RP1: variants seen among roughly 807,000 people sequenced by gnomAD.
RP1 encodes RP1 axonemal microtubule associated.
RP1 carries 16 observed loss-of-function variants against 14.8 expected under a neutral mutation model. The observed-to-expected ratio is 1.08, with a 90% CI of 0.73 to 1.65. RP1 has a LOEUF of 1.65. Among genes scored for constraint, RP1 ranks in the 40% most tolerant of loss-of-function variants. The pLI, the probability that RP1 is intolerant of heterozygous loss-of-function variation, is 0.00. For synonymous variants in RP1, 876 were observed against 883.6 expected, an observed-to-expected ratio of 0.99 and a Z score of 0.15; for missense variants, 2,631 against 2,535.0, an observed-to-expected ratio of 1.04 and a Z score of -0.81.
intron 1 of RP1, among the ~76,000 whole-genome samples, chr8:54,588,410 A>C (rs943591173): frequency 1.3e-5 from 2 of 152,210 alleles, no homozygotes; most frequent in African/African-American, 4.8e-5. Context: ...AGAGGGACCC[A>C]AGGTCTGACT....
At chr8:54,781,979 C>G (rs577986964) in intron 23 of RP1, among the ~76,000 whole-genome samples, 5 of 152,230 alleles carry the variant, frequency 3.3e-5, no homozygotes, top group African/African-American at 1.2e-4. Flanking sequence ...GTCCCTCCCC[C>G]CATGATAGCA....
At chr8:54,736,889 G>A (rs920306000) in intron 18 of RP1, among the ~76,000 whole-genome samples, 1 of 152,082 alleles carries the variant, frequency 6.6e-6, no homozygotes, top group African/African-American at 2.4e-5. Context: ...AGGGGTTAAT[G>A]GGCACTCATA....
intron 19 of RP1, among the ~76,000 whole-genome samples, chr8:54,745,094 G>T (rs908945325): frequency 6.6e-6 from 1 of 152,164 alleles, no homozygotes; most frequent in Non-Finnish European, 1.5e-5. Flanking sequence ...TCTGTTGGTC[G>T]TTTGAGCATG....
intron 26 of RP1, among the ~76,000 whole-genome samples, chr8:54,853,772 A>AAGAAAGAGAC (rs1282066874): frequency 1.6e-5 from 1 of 63,968 alleles, no homozygotes. Flanking sequence ...AAGAAAGAGA[A>AAGAAAGAGAC]AGGAAGGAAG....
chr8:54,621,547 C>T lies in RP1; in HGVS notation c.581C>T (p.Pro194Leu), dbSNP rs780935796. Residue 194 changes from proline to leucine, a missense_variant, in exon 2 of 4, where the codon CCT becomes CTT. By Grantham distance (98) the Pro-to-Leu change is moderately conservative. Transcript: ENST00000220676. ...CACCTGACAGAGGTCATGCAGCGCC[C>T]TGTGGTCAAGCTGTACGCTACGGAC... ...LQHLTEVMQR[P>L]VVKLYATDGR... 1.2e-6 allele frequency: 2 copies of T among 1,614,186 alleles called. No homozygotes were observed. Among genetic ancestry groups the T allele is most frequent in the South Asian group, 1.1e-5 (1 of 91,082 alleles).
At chr8:54,600,060 C>T (rs572093706) in intron 1 of RP1, among the ~76,000 whole-genome samples, 1 of 152,238 alleles carries the variant, frequency 6.6e-6, no homozygotes, top group Non-Finnish European at 1.5e-5. Flanking sequence ...TTGGCTGTGT[C>T]TTCATCCAAA....
chr8:54,709,538 A>G lies in RP1; in HGVS notation c.2211+2883A>G, dbSNP rs377170417. ...AATTTGAAAAAAGCCAGAGGCATTT[A>G]TTCTGTTTGCTTTGGGGAAGAGATA... On this transcript the variant is annotated intron_variant, in intron 15 of 22. Coordinates refer to the RP1 transcript ENST00000636932. Among the ~76,000 whole-genome samples, 36 of 152,354 alleles carry G rather than the reference A, an allele frequency of 2.4e-4. No homozygotes were observed. In the South Asian group the frequency reaches 7.5e-3, roughly 32 times the overall value.
intron 15 of RP1, among the ~76,000 whole-genome samples, chr8:54,708,596 T>C (rs1049563074): frequency 2.0e-5 from 3 of 152,174 alleles, no homozygotes; most frequent in African/African-American, 7.2e-5. Flanking sequence ...TCTGACCTCG[T>C]GATCCACCTG....
chr8:54,765,232 C>T (rs1181783543), intron 22 of RP1, among the ~76,000 whole-genome samples: 2 of 152,238 alleles, frequency 1.3e-5, no homozygotes, highest in African/African-American at 4.8e-5. Flanking sequence ...AGCGGTTATT[C>T]CATGAAAATC....
intron 14 of RP1, among the ~76,000 whole-genome samples, chr8:54,705,568 A>G (rs1375430805): frequency 1.3e-5 from 2 of 152,140 alleles, no homozygotes; most frequent in Non-Finnish European, 2.9e-5. Flanking sequence ...CATTATTACT[A>G]TCTGGCTGAC....
rs1293675303 is a variant in RP1, at chr8:54,788,769, G to C, written c.3615+5059G>C. Reference sequence around the variant, plus strand: ...ATTGCAGAAATAAAACCCCAGTTCAGATGATATCAGCAAGATAATAGAATA... The same window carrying C: ...ATTGCAGAAATAAAACCCCAGTTCACATGATATCAGCAAGATAATAGAATA... On this transcript the variant is annotated intron_variant, in intron 24 of 28. Transcript: ENST00000637698. 2.0e-5 allele frequency among the ~76,000 whole-genome samples: 3 copies of C among 152,186 alleles called. No individual in the cohort carries two copies. The East Asian group carries it at 5.8e-4, about 29-fold the overall frequency.
intron 26 of RP1, chr8:54,856,882 AC>A: frequency 3.0e-6 from 1 of 332,954 alleles, no homozygotes; most frequent in East Asian, 4.3e-5. Flanking sequence ...ATAGTGTAGA[AC>A]TTTGCACATA....
intron 16 of RP1, chr8:54,720,433 TC>T: frequency 2.3e-6 from 2 of 856,868 alleles, no homozygotes; most frequent in Non-Finnish European, 3.4e-6. Flanking sequence ...TTGTTGTCAT[TC>T]CAGAAGCAAT....
intron 1 of RP1, among the ~76,000 whole-genome samples, chr8:54,569,638 G>T (rs1003087286): frequency 3.9e-5 from 6 of 152,158 alleles, no homozygotes; most frequent in African/African-American, 1.2e-4. Context: ...TTTCCCAGAA[G>T]TTTTTACACC....
rs990719102 is a variant in RP1 at position 54,630,245 on chromosome 8, T to C, written c.6363T>C (p.Asn2121=). ...VETSLNISNR[N]ILELCMFEGE... ...CCTCCTTAAATATTAGCAACAGAAA[T>C]ATTTTAGAACTTTGTATGTTTGAGG... Residue 2121 remains asparagine, a synonymous_variant, in exon 4 of 4, where the codon AAT becomes AAC. Coordinates refer to ENST00000220676, the MANE Select transcript of RP1 (RefSeq NM_006269.2). 1.9e-6 allele frequency: 3 copies of C among 1,613,716 alleles called. No homozygotes were observed. The highest frequency in any genetic ancestry group is 8.5e-7 in the Non-Finnish European group (1 of 1,179,912).
intron 19 of RP1, among the ~76,000 whole-genome samples, chr8:54,747,979 A>G (rs548433644): frequency 1.3e-5 from 2 of 152,382 alleles, no homozygotes; most frequent in East Asian, 3.9e-4. Context: ...TACATTCTGG[A>G]TAAATAGACT....
chr8:54,792,378 A>G (rs1658058067), intron 24 of RP1, among the ~76,000 whole-genome samples: 1 of 151,948 alleles, frequency 6.6e-6, no homozygotes, highest in Non-Finnish European at 1.5e-5. Context: ...ACAGACATAT[A>G]CAGAACATTT....
chr8:54,851,624 A>G (rs927867231), intron 25 of RP1, among the ~76,000 whole-genome samples: 5 of 152,226 alleles, frequency 3.3e-5, no homozygotes, highest in Middle Eastern at 3.4e-3. Flanking sequence ...AAGTGTTCTA[A>G]TTTTCTGCTT....
intron 24 of RP1, among the ~76,000 whole-genome samples, chr8:54,832,233 C>T (rs995882975): frequency 1.3e-5 from 2 of 151,494 alleles, no homozygotes; most frequent in African/African-American, 4.8e-5. Flanking sequence ...ATTTTTTCTT[C>T]TCTATTCAAT....
Sources: allele counts gnomAD v4.1 joint callset (sites outside exome capture counted in the v4.1 genomes callset), GRCh38; gene constraint gnomAD v4.1.1; transcripts MANE v1.5; gene names NCBI Gene and HGNC (gene_info 2026-07-23, HGNC 2026-07-21).